The following MAGI2 variants were observed in gnomAD, a reference collection of about 807,000 sequenced individuals.
MAGI2 encodes membrane associated guanylate kinase, WW and PDZ domain containing 2.
In MAGI2, 35 loss-of-function variants were observed where a neutral mutation model predicts 133.3. The observed-to-expected ratio is 0.26, with a 90% CI of 0.20 to 0.35. The LOEUF (loss-of-function observed/expected upper bound fraction) is 0.35. Among genes scored for constraint, MAGI2 ranks in the 10% least tolerant of loss-of-function variants. The probability of loss-of-function intolerance (pLI) is 1.00; values close to 1 mark genes in which losing one functional copy is unlikely to be tolerated. For synonymous variants in MAGI2, 729 were observed against 710.6 expected (o/e 1.03, Z -0.41); for missense variants, 1,636 against 1,863.4 (o/e 0.88, Z 2.25).
chr7:78,816,877 G>A (rs536824042), intron 2 of MAGI2, among the ~76,000 whole-genome samples: 47 of 152,260 alleles, frequency 3.1e-4, no homozygotes, highest in African/African-American at 8.4e-4. Flanking sequence ...ATGGATCAAG[G>A]AATAATTTTG....
At chr7:79,063,934 C>T (rs2191719) in intron 1 of MAGI2, among the ~76,000 whole-genome samples, 117,003 of 152,030 alleles carry the variant, frequency 0.77, 46,147 homozygotes, top group Non-Finnish European at 0.86. Flanking sequence ...TTAAATCTAG[C>T]TTAATTTTTG....
intron 2 of MAGI2, among the ~76,000 whole-genome samples, chr7:78,817,127 C>A (rs1371765089): frequency 6.6e-6 from 1 of 152,094 alleles, no homozygotes; most frequent in Admixed American, 6.6e-5. Context: ...TGGAGGAGGT[C>A]ACTGCAGATA....
intron 6 of MAGI2, among the ~76,000 whole-genome samples, chr7:78,435,813 A>G (rs1031818233): frequency 1.3e-5 from 2 of 152,192 alleles, no homozygotes; most frequent in Non-Finnish European, 2.9e-5. Context: ...TAAAGGCAAA[A>G]TAAACAGATT....
At chr7:78,950,651 T>C (rs1449277763) in intron 2 of MAGI2, among the ~76,000 whole-genome samples, 1 of 152,174 alleles carries the variant, frequency 6.6e-6, no homozygotes, top group Non-Finnish European at 1.5e-5. Context: ...AATTTCAATA[T>C]ACTATAATGA....
At chr7:79,055,868 A>C (rs1379687884) in intron 1 of MAGI2, among the ~76,000 whole-genome samples, 1 of 152,178 alleles carries the variant, frequency 6.6e-6, no homozygotes, top group Non-Finnish European at 1.5e-5. Context: ...AGGTGTTCTG[A>C]AGTTACTGCC....
chr7:78,904,522 G>A (rs1224331667), intron 2 of MAGI2, among the ~76,000 whole-genome samples: 2 of 119,208 alleles, frequency 1.7e-5, no homozygotes, highest in East Asian at 7.3e-4. Context: ...TAATAACGCA[G>A]TTCTTTTTTT....
chr7:78,178,933 T>C (rs1826930371), intron 13 of MAGI2, among the ~76,000 whole-genome samples: 1 of 152,222 alleles, frequency 6.6e-6, no homozygotes, highest in Non-Finnish European at 1.5e-5. Context: ...CTGAATGTCA[T>C]TTTTTCAGCC....
chr7:78,295,935 A>G (rs1584765629), intron 9 of MAGI2, among the ~76,000 whole-genome samples: 1 of 151,626 alleles, frequency 6.6e-6, no homozygotes. Flanking sequence ...CCCTCTTCTT[A>G]CTCCAATAAT....
At chr7:79,139,018 A>G (rs1043779039) in intron 1 of MAGI2, among the ~76,000 whole-genome samples, 2 of 150,126 alleles carry the variant, frequency 1.3e-5, no homozygotes, top group Non-Finnish European at 3.0e-5. Flanking sequence ...GACACCTGGC[A>G]TGTGTGTGTA....
chr7:78,540,000 G>C (rs35555117), intron 3 of MAGI2, among the ~76,000 whole-genome samples: 10,511 of 152,090 alleles, frequency 0.069, 490 homozygotes, highest in Middle Eastern at 0.15. Flanking sequence ...TGCTGTAATG[G>C]CTTGAGTTGG....
chr7:78,391,763 T>C (rs1256725101), intron 6 of MAGI2, among the ~76,000 whole-genome samples: 2 of 152,214 alleles, frequency 1.3e-5, no homozygotes, highest in Non-Finnish European at 2.9e-5. Flanking sequence ...ATCTTTCCCC[T>C]ATAAAGATGA....
intron 6 of MAGI2, among the ~76,000 whole-genome samples, chr7:78,457,737 T>C (rs1026703235): frequency 5.9e-5 from 9 of 152,334 alleles, no homozygotes; most frequent in Non-Finnish European, 1.0e-4. Flanking sequence ...TAATCAATTC[T>C]ATTTTTATAG....
At chr7:79,185,760 G>T (rs1027225429) in intron 1 of MAGI2, among the ~76,000 whole-genome samples, 1 of 151,674 alleles carries the variant, frequency 6.6e-6, no homozygotes, top group Non-Finnish European at 1.5e-5. Flanking sequence ...GATGATTCAG[G>T]CTAACATTAT....
chr7:79,055,466 C>T (rs982210925), intron 1 of MAGI2, among the ~76,000 whole-genome samples: 2 of 151,744 alleles, frequency 1.3e-5, no homozygotes, highest in Non-Finnish European at 2.9e-5. Flanking sequence ...CGTGCATGTG[C>T]AAAGCTATAT....
chr7:78,248,967 C>T (rs189230578), intron 10 of MAGI2, among the ~76,000 whole-genome samples: 1 of 152,022 alleles, frequency 6.6e-6, no homozygotes, highest in East Asian at 1.9e-4. Flanking sequence ...TTGCAAACTA[C>T]TCATCTGACA....
intron 9 of MAGI2, among the ~76,000 whole-genome samples, chr7:78,323,091 A>AAT (rs1474373240): frequency 2.0e-5 from 3 of 151,946 alleles, no homozygotes; most frequent in Non-Finnish European, 4.4e-5. Context: ...TTACCAAAAA[A>AAT]AAATTTACAT....
intron 2 of MAGI2, among the ~76,000 whole-genome samples, chr7:78,657,759 G>A (rs6466330): frequency 0.45 from 67,811 of 151,964 alleles, 15,273 homozygotes; most frequent in African/African-American, 0.46. Flanking sequence ...CATTTGTCCA[G>A]ACTCATAGAA....
At chr7:78,927,750 T>G (rs1214516514) in intron 2 of MAGI2, among the ~76,000 whole-genome samples, 1 of 151,992 alleles carries the variant, frequency 6.6e-6, no homozygotes. Flanking sequence ...TAGTTAATAT[T>G]AAATTTGTTT....
chr7:78,567,574 C>A (rs749566223), intron 3 of MAGI2, among the ~76,000 whole-genome samples: 3 of 152,082 alleles, frequency 2.0e-5, no homozygotes, highest in African/African-American at 7.2e-5. Flanking sequence ...TTAGCTTGCA[C>A]CTATATGTAC....
Sources: allele counts gnomAD v4.1 joint callset (sites outside exome capture counted in the v4.1 genomes callset), GRCh38; gene constraint gnomAD v4.1.1; transcripts MANE v1.5; gene names NCBI Gene and HGNC (gene_info 2026-07-23, HGNC 2026-07-21).